Variants in EYS observed in about 807,000 individuals in gnomAD.
EYS encodes the protein EGF-like photoreceptor maintenance factor.
A neutral mutation model predicts 282.1 loss-of-function variants in EYS; 250 were observed. That is an observed-to-expected ratio of 0.89 (90% confidence interval 0.80 to 0.98). The LOEUF is 0.98. Ranked by LOEUF, EYS falls within the 50% of genes least tolerant of loss-of-function variation. The pLI is 0.00. For synonymous variants in EYS, 1,355 were observed against 1,282.9 expected (o/e 1.06, Z -1.20); for missense variants, 4,016 against 3,709.0 (o/e 1.08, Z -2.15).
At chr6:65,405,039 A>G (rs1042338878) in intron 6 of EYS, 135 bp downstream of exon 6, 24 of 613,546 alleles carry the variant, frequency 3.9e-5, no homozygotes, top group Middle Eastern at 4.5e-4. Flanking sequence ...TAAAATAAGT[A>G]GACCGTTCTT....
chr6:65,625,808 C>A (rs561976457), intron 2 of EYS, among the ~76,000 whole-genome samples: 1 of 152,244 alleles, frequency 6.6e-6, no homozygotes, highest in East Asian at 1.9e-4. Context: ...TTAAGCAAGG[C>A]AAATTTCTCA....
intron 28 of EYS, chr6:64,412,762 A>G (rs1773942916): frequency 6.6e-6 from 1 of 152,192 alleles, no homozygotes; most frequent in Admixed American, 6.6e-5. Context: ...TTAAAGATAA[A>G]GAATCAGACA....
intron 33 of EYS, among the ~76,000 whole-genome samples, chr6:64,055,433 T>G (rs1214959431): frequency 6.6e-6 from 1 of 152,120 alleles, no homozygotes; most frequent in Non-Finnish European, 1.5e-5. Context: ...TATCTTTGTT[T>G]CAAAAAAGAA....
intron 2 of EYS, among the ~76,000 whole-genome samples, chr6:65,606,255 C>T (rs1907018): frequency 1.3e-5 from 2 of 151,502 alleles, no homozygotes; most frequent in Non-Finnish European, 3.0e-5. Flanking sequence ...CATTAATATT[C>T]TATACACACA....
At chr6:65,588,339 TAAAG>T (rs1016209051) in intron 2 of EYS, among the ~76,000 whole-genome samples, 1 of 152,022 alleles carries the variant, frequency 6.6e-6, no homozygotes, top group Non-Finnish European at 1.5e-5. Flanking sequence ...CAGGCTAACA[TAAAG>T]AAAGAGATGT....
chr6:65,570,941 CATATGTTTTAGAAA>C, intron 2 of EYS, among the ~76,000 whole-genome samples: 1 of 151,780 alleles, frequency 6.6e-6, no homozygotes, highest in Admixed American at 6.6e-5. Context: ...ACTTGGAGGC[CATATGTTTTAGAAA>C]CTCCATTACA....
At chr6:64,080,716 C>T (rs574115028) in intron 32 of EYS, among the ~76,000 whole-genome samples, 43 of 151,644 alleles carry the variant, frequency 2.8e-4, no homozygotes, top group South Asian at 1.7e-3. Context: ...TTTAATCCAT[C>T]TTGAATTAAT....
intron 15 of EYS, among the ~76,000 whole-genome samples, chr6:64,927,094 C>A (rs1164758423): frequency 6.6e-6 from 1 of 152,140 alleles, no homozygotes; most frequent in Non-Finnish European, 1.5e-5. Flanking sequence ...AAATGCACAT[C>A]TTTTAAACTG....
chr6:65,338,218 A>T (rs895641290), intron 10 of EYS, among the ~76,000 whole-genome samples: 6 of 151,008 alleles, frequency 4.0e-5, no homozygotes, highest in Non-Finnish European at 7.4e-5. Flanking sequence ...GGATTTCAAC[A>T]TGATTTCTCA....
chr6:63,930,932 A>G (rs527283652), intron 35 of EYS, among the ~76,000 whole-genome samples: 3 of 152,332 alleles, frequency 2.0e-5, no homozygotes, highest in South Asian at 4.1e-4. Context: ...GAGTCTTTCT[A>G]TAATTTCTTC....
At chr6:64,184,994 G>A (rs890165918) in intron 31 of EYS, among the ~76,000 whole-genome samples, 9 of 151,866 alleles carry the variant, frequency 5.9e-5, no homozygotes, top group African/African-American at 2.2e-4. Flanking sequence ...TATGAGGGTG[G>A]AGTCTTCATG....
intron 4 of EYS, 103 bp from the exon 5 acceptor site, chr6:65,490,810 G>A (rs1766015267): frequency 5.7e-6 from 4 of 705,250 alleles, no homozygotes; most frequent in African/African-American, 1.8e-5. Flanking sequence ...TCTGACTAAT[G>A]TAATTTCAGT....
At chr6:63,940,260 C>T (rs919954254) in intron 35 of EYS, among the ~76,000 whole-genome samples, 1 of 152,068 alleles carries the variant, frequency 6.6e-6, no homozygotes, top group Non-Finnish European at 1.5e-5. Context: ...AGATTGAAAT[C>T]TGTAGTTGTG....
At chr6:65,353,267 T>A (rs1254532688) in intron 9 of EYS, among the ~76,000 whole-genome samples, 191 bp downstream of exon 9, 1 of 152,032 alleles carries the variant, frequency 6.6e-6, no homozygotes, top group African/African-American at 2.4e-5. Flanking sequence ...CCAAGTAGAT[T>A]TCCTAGGATG....
In EYS at chr6:65,223,316, G is replaced by C. The variant is rs1428055024; in HGVS notation, c.2023+72547C>G. Among the ~76,000 whole-genome samples, 3 of 152,030 alleles carry C rather than the reference G, an allele frequency of 2.0e-5. No individual in the cohort carries two copies. The South Asian group carries it at 6.2e-4, about 32-fold the overall frequency. On this transcript the variant is annotated intron_variant, in intron 12 of 42. Transcript: ENST00000503581. Reference sequence around the variant, plus strand: ...CAGGTGGCGGAGTTTGCAGTGAGCCGAGATCATGCCATTGCACTCCAGCCT... The same window carrying C: ...CAGGTGGCGGAGTTTGCAGTGAGCCCAGATCATGCCATTGCACTCCAGCCT...
At chr6:65,432,428 A>ATTTT (rs1329032664) in intron 5 of EYS, among the ~76,000 whole-genome samples, 1 of 152,178 alleles carries the variant, frequency 6.6e-6, no homozygotes, top group Non-Finnish European at 1.5e-5. Context: ...AATTTATAAT[A>ATTTT]ATTTAGATGC....
intron 13 of EYS, among the ~76,000 whole-genome samples, chr6:65,054,420 T>C (rs1197125723): frequency 6.6e-6 from 1 of 152,036 alleles, no homozygotes; most frequent in Non-Finnish European, 1.5e-5. Context: ...CTGTGAGATA[T>C]TTTTATGAAC....
At position 64,637,270 on chromosome 6, in the gene EYS, A is replaced by G. The variant is rs1490150569; in HGVS notation, c.3444-11025T>C. Among the ~76,000 whole-genome samples the G allele has an allele frequency of 2.0e-4, 18 of 91,434 alleles. 7 individuals are homozygous for G. The highest frequency in any genetic ancestry group is 7.5e-4 in the African/African-American group (18 of 23,992). 60.0% of individuals were successfully genotyped at this position (91,434 alleles called of 152,430 possible). ...ATGGAATACTATGCAGCCATAAAAA[A>G]TGAAGAGTTCATGTCCTTTGTAGGG... is the stretch of plus-strand genomic sequence containing the variant. On this transcript the variant is annotated intron_variant, in intron 22 of 42. Coordinates refer to ENST00000503581, the MANE Select transcript of EYS (RefSeq NM_001142800.2).
chr6:63,905,414 C>T lies in EYS; in HGVS notation c.7056-41056G>A, dbSNP rs189189346. On this transcript the variant is annotated intron_variant, in intron 35 of 42. Coordinates refer to ENST00000503581, the MANE Select transcript of EYS (RefSeq NM_001142800.2). ...GCACAATCTCGGCTCGCTGCAAGCT[C>T]TGCCTCCCAGGTTCACGCCATTCTC... 6.0e-3 allele frequency among the ~76,000 whole-genome samples: 880 copies of T among 147,628 alleles called. 31 individuals carry two copies. The East Asian group carries it at 0.083, about 14-fold the overall frequency.
Sources: allele counts gnomAD v4.1 joint callset (sites outside exome capture counted in the v4.1 genomes callset), GRCh38; gene constraint gnomAD v4.1.1; transcripts MANE v1.5; gene names NCBI Gene and HGNC (gene_info 2026-07-23, HGNC 2026-07-21).